Variants in NSMCE1 observed in about 807,000 individuals in gnomAD.
The protein encoded by NSMCE1 is NSE1 component of SMC5/6 complex, also known as non-structural maintenance of chromosomes element 1 homolog.
A neutral mutation model predicts 29.6 loss-of-function variants in NSMCE1; 18 were observed. That is an observed-to-expected ratio of 0.61 (90% CI 0.42 to 0.90). The LOEUF (loss-of-function observed/expected upper bound fraction) is 0.90, where lower values mean the gene tolerates loss of function less well. Among genes scored for constraint, NSMCE1 ranks in the 40% least tolerant of loss-of-function variants. The probability of loss-of-function intolerance (pLI) is 0.00; values close to 1 mark genes in which losing one functional copy is unlikely to be tolerated. For synonymous variants in NSMCE1, 124 were observed against 133.4 expected (o/e 0.93, Z 0.49); for missense variants, 314 against 343.6 (o/e 0.91, Z 0.68).
chr16:27,230,653 C>T (rs2083753215), intron 5 of NSMCE1: 1 of 152,452 alleles, frequency 6.6e-6, no homozygotes, highest in Admixed American at 6.5e-5. Context: ...TAGCTTCGTT[C>T]CTTCGTCCTC....
intron 1 of NSMCE1, among the ~76,000 whole-genome samples, chr16:27,262,938 GA>G (rs903662548): frequency 6.6e-6 from 1 of 151,818 alleles, no homozygotes; most frequent in African/African-American, 2.4e-5. Context: ...ACAAGCATAT[GA>G]AAAAAAAGCT....
intron 1 of NSMCE1, among the ~76,000 whole-genome samples, chr16:27,258,653 T>A (rs148647702): frequency 3.6e-4 from 54 of 152,098 alleles, no homozygotes; most frequent in Admixed American, 3.2e-3. Context: ...CTTAAAGACA[T>A]AGAGGAAGCC....
At position 27,225,861 on chromosome 16, in the gene NSMCE1, G is replaced by A. The variant is rs776009323; in HGVS notation, c.601-15C>T. 1.5e-5 allele frequency: 24 copies of A among 1,613,336 alleles called. No individual in the cohort carries two copies. The Admixed American group carries it at 1.7e-4, about 11-fold the overall frequency. ...CAGCTTTGACCCTGAAACAGGAAAG[G>A]CCAATGACGGCGGAGCTGGTGCACA... On this transcript the variant is annotated splice_polypyrimidine_tract_variant and intron_variant, in intron 6 of 7. Coordinates refer to ENST00000361439, the MANE Select transcript of NSMCE1 (RefSeq NM_145080.4).
At chr16:27,253,438 C>T (rs777684423) in intron 2 of NSMCE1, among the ~76,000 whole-genome samples, 1 of 152,176 alleles carries the variant, frequency 6.6e-6, no homozygotes, top group African/African-American at 2.4e-5. Context: ...GAAAAAGAAA[C>T]CCTCATTGCC....
chr16:27,242,822 C>T (rs992371311), intron 2 of NSMCE1, among the ~76,000 whole-genome samples: 5 of 152,214 alleles, frequency 3.3e-5, no homozygotes, highest in African/African-American at 2.4e-5. Flanking sequence ...CCTTCTGTGG[C>T]GCTCTGGTCC....
intron 2 of NSMCE1, among the ~76,000 whole-genome samples, chr16:27,251,181 TATATATATAA>T (rs1213608561): frequency 1.9e-3 from 100 of 52,066 alleles, no homozygotes; most frequent in African/African-American, 0.018. Flanking sequence ...TATATATATA[TATATATATAA>T]ATATATATAT....
At chr16:27,254,879 T>C in intron 2 of NSMCE1, among the ~76,000 whole-genome samples, 1 of 135,930 alleles carries the variant, frequency 7.4e-6, no homozygotes, top group Non-Finnish European at 1.6e-5. Context: ...TTTTTTTTTT[T>C]TTTTTTTTTT....
intron 2 of NSMCE1, among the ~76,000 whole-genome samples, chr16:27,251,297 T>C (rs1294093293): frequency 6.6e-6 from 1 of 150,810 alleles, no homozygotes; most frequent in African/African-American, 2.4e-5. Flanking sequence ...TAGCTTCCTA[T>C]AAAAAACTTT....
intron 2 of NSMCE1, 136 bp from the exon 3 acceptor site, chr16:27,235,435 G>T: frequency 2.2e-6 from 2 of 895,482 alleles, no homozygotes; most frequent in South Asian, 1.5e-5. Context: ...GCAGCCTCTT[G>T]GGTGAACGCC....
chr16:27,267,625 GA>G (rs11317900), intron 1 of NSMCE1, among the ~76,000 whole-genome samples: 9,716 of 136,436 alleles, frequency 0.071, 756 homozygotes, highest in African/African-American at 0.2. Flanking sequence ...GGATGCAGGG[GA>G]AAAAAAAAAA....
intron 7 of NSMCE1, 60 bp downstream of exon 7, chr16:27,225,666 C>T (rs1355136635): frequency 1.0e-5 from 16 of 1,603,716 alleles, no homozygotes; most frequent in Admixed American, 3.4e-5. Flanking sequence ...GCTTCCCTGG[C>T]ACCAGGCCCC....
Position 27,235,336 on chromosome 16 carries a change from G to A in NSMCE1, c.137-37C>T, listed in dbSNP as rs774641472. ...CAGACCAAAAAAAGGGGGGTGACCA[G>A]GGGGCCTCATCAAAAAAATGTAGCT... is the stretch of plus-strand genomic sequence containing the variant. On this transcript the variant is annotated intron_variant, in intron 2 of 7. Transcript: ENST00000361439. The A allele has an allele frequency of 8.1e-6, 13 of 1,604,706 alleles. No homozygotes were observed. In the African/African-American group the frequency reaches 1.6e-4, roughly 20 times the overall value.
chr16:27,246,117 G>A (rs550900807), intron 2 of NSMCE1, among the ~76,000 whole-genome samples: 273 of 152,296 alleles, frequency 1.8e-3, no homozygotes, highest in African/African-American at 6.3e-3. Flanking sequence ...AGATAAGAGA[G>A]TTGACAAAAA....
intron 2 of NSMCE1, among the ~76,000 whole-genome samples, chr16:27,251,163 T>TATAA (rs1555477371): frequency 1.5e-5 from 1 of 67,478 alleles, no homozygotes; most frequent in Non-Finnish European, 2.5e-5. Flanking sequence ...ATTTAAAATA[T>TATAA]ATATATATAT....
intron 1 of NSMCE1, among the ~76,000 whole-genome samples, chr16:27,264,828 G>A (rs1250979007): frequency 1.3e-5 from 2 of 152,096 alleles, no homozygotes; most frequent in Admixed American, 1.3e-4. Flanking sequence ...CAGAAAGGTG[G>A]GGGTTAGGGG....
At chr16:27,261,435 A>T (rs888933360) in intron 1 of NSMCE1, among the ~76,000 whole-genome samples, 29 of 152,060 alleles carry the variant, frequency 1.9e-4, no homozygotes, top group African/African-American at 6.8e-4. Context: ...CAATTAACAT[A>T]CTTAAAAATA....
intron 6 of NSMCE1, 152 bp from the exon 7 acceptor site, chr16:27,225,998 G>A (rs1297479180): frequency 1.2e-6 from 1 of 809,636 alleles, no homozygotes; most frequent in Non-Finnish European, 1.9e-6. Context: ...AAACGCCTTA[G>A]TGCAGTGGAG....
At chr16:27,259,920 T>C (rs1281189902) in intron 1 of NSMCE1, among the ~76,000 whole-genome samples, 2 of 152,100 alleles carry the variant, frequency 1.3e-5, no homozygotes, top group Non-Finnish European at 2.9e-5. Context: ...GAGAATTCTA[T>C]AACGAGCTGA....
Position 27,232,865 on chromosome 16 carries a change from G to T in NSMCE1, c.483+136C>A. Reference sequence around the variant, plus strand: ...AGTCCTCCCCACGGGGTCACTGCTGGAATGCATGAAAGCAGATAAGGGATC... The same window carrying T: ...AGTCCTCCCCACGGGGTCACTGCTGTAATGCATGAAAGCAGATAAGGGATC... On this transcript the variant is annotated intron_variant, in intron 5 of 7. Transcript: ENST00000361439. The surrounding 1 kb of genome is among the most constrained non-coding windows in gnomAD (Gnocchi z 4.5). The T allele has an allele frequency of 1.2e-6, 1 of 846,266 alleles. No homozygotes were observed. Among genetic ancestry groups the T allele is most frequent in the South Asian group, 1.7e-5 (1 of 59,574 alleles). The allele number at this position is 846,266 out of a possible 1,614,324, so 52.4% of individuals were successfully genotyped here.
Sources: allele counts gnomAD v4.1 joint callset (sites outside exome capture counted in the v4.1 genomes callset), GRCh38; gene constraint gnomAD v4.1.1; non-coding constraint Gnocchi (gnomAD v3.1); transcripts MANE v1.5; gene names NCBI Gene and HGNC (gene_info 2026-07-23, HGNC 2026-07-21).